AKT2: variants seen among roughly 807,000 people sequenced by gnomAD.
AKT2 encodes AKT serine/threonine kinase 2.
AKT2 carries 16 observed loss-of-function variants against 58.6 expected under a neutral mutation model. The ratio of observed to expected loss-of-function variants is 0.27; its 90% CI spans 0.18 to 0.41. AKT2 has a LOEUF of 0.41. Ranked by LOEUF, AKT2 falls within the 10% of genes least tolerant of loss-of-function variation. The pLI, the probability that AKT2 is intolerant of heterozygous loss-of-function variation, is 1.00. For synonymous variants in AKT2, 253 were observed against 254.0 expected (o/e 1.00, Z 0.04); for missense variants, 438 against 661.0 (o/e 0.66, Z 3.70).
intron 2 of AKT2, among the ~76,000 whole-genome samples, chr19:40,264,411 G>A (rs755512171): frequency 2.0e-4 from 31 of 152,122 alleles, no homozygotes; most frequent in Non-Finnish European, 4.3e-4. Flanking sequence ...ATCAGGCCAC[G>A]CATCGGCTCA....
intron 4 of AKT2, among the ~76,000 whole-genome samples, chr19:40,253,332 A>G (rs975762971): frequency 6.6e-6 from 1 of 152,208 alleles, no homozygotes; most frequent in Non-Finnish European, 1.5e-5. Flanking sequence ...ACTGTTTCTC[A>G]AAGTGAGGCC....
chr19:40,274,655 G>A (rs1400700234), intron 1 of AKT2: 9 of 242,526 alleles, frequency 3.7e-5, no homozygotes, highest in African/African-American at 6.6e-5. Flanking sequence ...AGGCAGCGCA[G>A]TCTGAGCAAA....
chr19:40,266,799 A>C (rs1404340528), intron 1 of AKT2, among the ~76,000 whole-genome samples: 1 of 152,086 alleles, frequency 6.6e-6, no homozygotes, highest in Non-Finnish European at 1.5e-5. Context: ...TTTTTTCTAC[A>C]AAAAAATTAA....
chr19:40,234,029 G>A lies in AKT2; in HGVS notation c.1367-78C>T, dbSNP rs953849520. 28 of 1,450,166 alleles carry A rather than the reference G, an allele frequency of 1.9e-5. No individual in the cohort carries two copies. Among genetic ancestry groups the A allele is most frequent in the Middle Eastern group, 2.3e-4 (1 of 4,272 alleles). 89.8% of individuals were successfully genotyped at this position (1,450,166 alleles called of 1,614,324 possible). ...ACCTGCCCAGACTCCCTGGGGAAACGGCCCCAGCTGGCGGGGGCTGCCCAC... is the reference window on the plus strand; with the variant it reads ...ACCTGCCCAGACTCCCTGGGGAAACAGCCCCAGCTGGCGGGGGCTGCCCAC... On this transcript the variant is annotated intron_variant, in intron 13 of 13. Transcript: ENST00000392038. This position sits in a 1 kb window ranked among gnomAD's most constrained non-coding sequence, Gnocchi z 4.7.
Position 40,238,769 on chromosome 19 carries a change from T to C in AKT2, c.708+136A>G, listed in dbSNP as rs1974189749. On this transcript the variant is annotated intron_variant, in intron 8 of 13. Coordinates refer to ENST00000392038, the MANE Select transcript of AKT2 (RefSeq NM_001626.6). This position sits in a 1 kb window ranked among gnomAD's most constrained non-coding sequence, Gnocchi z 5.1. ...CCCCCAAAATGGAGACGAAGCCGCC[T>C]GCCTCAAGGGAGAGGGGCACTAGAT... The C allele has an allele frequency of 2.6e-5, 24 of 939,248 alleles. No individual in the cohort carries two copies. The highest frequency in any genetic ancestry group is 4.1e-5 in the Non-Finnish European group (24 of 586,226). 58.2% of individuals were successfully genotyped at this position (939,248 alleles called of 1,614,324 possible).
intron 2 of AKT2, among the ~76,000 whole-genome samples, chr19:40,262,674 C>T (rs183244885): frequency 6.6e-6 from 1 of 152,250 alleles, no homozygotes; most frequent in Non-Finnish European, 1.5e-5. Context: ...GCTCTACCCA[C>T]TCCTTGCTGA....
intron 2 of AKT2, among the ~76,000 whole-genome samples, chr19:40,258,643 A>G (rs1232504095): frequency 6.6e-6 from 1 of 151,732 alleles, no homozygotes; most frequent in African/African-American, 2.4e-5. Context: ...TGACAGAGCA[A>G]GACCCTAGCT....
intron 6 of AKT2, chr19:40,240,897 C>T (rs1974364879): frequency 6.5e-6 from 1 of 154,832 alleles, no homozygotes; most frequent in Non-Finnish European, 1.4e-5. Flanking sequence ...ACTGATCCTC[C>T]CACTTCAGCC....
intron 2 of AKT2, 73 bp downstream of exon 2, chr19:40,265,149 C>A: frequency 2.5e-6 from 4 of 1,572,990 alleles, no homozygotes; most frequent in Non-Finnish European, 3.5e-6. Context: ...TCCGCCTCTG[C>A]CTCTCAGGGC....
chr19:40,257,461 A>G (rs1975618120), intron 2 of AKT2, among the ~76,000 whole-genome samples: 1 of 152,220 alleles, frequency 6.6e-6, no homozygotes, highest in African/African-American at 2.4e-5. Flanking sequence ...ACAGCTGTGC[A>G]GGTAGCTCCA....
chr19:40,284,291 C>A (rs1172858825), intron 1 of AKT2, among the ~76,000 whole-genome samples: 1 of 152,156 alleles, frequency 6.6e-6, no homozygotes, highest in Non-Finnish European at 1.5e-5. Context: ...AAATCCAAGC[C>A]CAATCCCTCT....
In AKT2 at chr19:40,235,522, G is replaced by C. The variant is rs774975080; in HGVS notation, c.1176-172C>G. The stretch of plus-strand genomic sequence containing the variant: ...GAGGGAGCTCACGTGCCCAGGGTCA[G>C]AGCCAGGGAGTCAGCAACCCGGACC... On this transcript the variant is annotated intron_variant, in intron 11 of 13. Coordinates refer to ENST00000392038, the MANE Select transcript of AKT2 (RefSeq NM_001626.6). This position sits in a 1 kb window ranked among gnomAD's most constrained non-coding sequence, Gnocchi z 6.3. 2.8e-6 allele frequency: 2 copies of C among 708,076 alleles called. No individual in the cohort carries two copies. The highest frequency in any genetic ancestry group is 2.7e-5 in the East Asian group (1 of 37,040). The allele number at this position is 708,076 out of a possible 1,614,324, so 43.9% of individuals were successfully genotyped here.
intron 1 of AKT2, among the ~76,000 whole-genome samples, chr19:40,283,963 A>T (rs1309657387): frequency 6.6e-6 from 1 of 152,198 alleles, no homozygotes; most frequent in African/African-American, 2.4e-5. Context: ...GGCCAGCGAC[A>T]GAGGAGCATG....
chr19:40,256,289 G>T (rs1975538782), intron 3 of AKT2, among the ~76,000 whole-genome samples: 1 of 152,198 alleles, frequency 6.6e-6, no homozygotes, highest in African/African-American at 2.4e-5. Flanking sequence ...AGTGGTCTGA[G>T]CTAAGGCACT....
rs2145130386 is a variant in AKT2 at position 40,230,459 on chromosome 19, C to T, written c.*3413G>A. 1 of 227,070 alleles carries T rather than the reference C, an allele frequency of 4.4e-6. No individual in the cohort carries two copies. Among genetic ancestry groups the T allele is most frequent in the South Asian group, 1.8e-4 (1 of 5,476 alleles). 14.1% of individuals were successfully genotyped at this position (227,070 alleles called of 1,614,324 possible). A position where few individuals can be genotyped will look rare whatever the true frequency, so the allele number is the denominator to read the frequency against. ...AGCAGCTGGAAAGCCTGAGTTCCCC[C>T]CATGCAGCAGCTAAAAGGGAATCGC... is the stretch of plus-strand genomic sequence containing the variant. On this transcript the variant is annotated 3_prime_UTR_variant, in exon 14 of 14. Coordinates refer to ENST00000392038, the MANE Select transcript of AKT2 (RefSeq NM_001626.6).
At position 40,231,984 on chromosome 19, in the gene AKT2, T is replaced by TGACAGCA. The variant is rs1973725968; in HGVS notation, c.*1881_*1887dup. The TGACAGCA allele has an allele frequency of 4.3e-6, 1 of 233,356 alleles. No individual in the cohort carries two copies. Among genetic ancestry groups the TGACAGCA allele is most frequent in the Non-Finnish European group, 8.5e-6 (1 of 118,234 alleles). The allele number at this position is 233,356 out of a possible 1,614,324, so 14.5% of individuals were successfully genotyped here. On this transcript the variant is annotated 3_prime_UTR_variant, in exon 14 of 14. Transcript: ENST00000392038. ...GAATGAACCACTCCCTCTCATTCAG[T>TGACAGCA]GACAGCACAGGCACCCTCCTCATTC...
chr19:40,267,271 G>A (rs1456589364), intron 1 of AKT2, among the ~76,000 whole-genome samples: 1 of 152,132 alleles, frequency 6.6e-6, no homozygotes, highest in Non-Finnish European at 1.5e-5. Flanking sequence ...TCAGGACCTC[G>A]CCTCTGCTGC....
chr19:40,282,609 A>T (rs1319355729), intron 1 of AKT2: 2 of 501,458 alleles, frequency 4.0e-6, no homozygotes, highest in Admixed American at 4.4e-5. Context: ...GACAGAGGTG[A>T]CTCTATCCTA....
intron 2 of AKT2, among the ~76,000 whole-genome samples, chr19:40,257,739 G>A (rs1219105527): frequency 6.6e-6 from 1 of 152,054 alleles, no homozygotes; most frequent in African/African-American, 2.4e-5. Flanking sequence ...GAGTGGAAAC[G>A]ACCCTAATGT....
Sources: allele counts gnomAD v4.1 joint callset (sites outside exome capture counted in the v4.1 genomes callset), GRCh38; gene constraint gnomAD v4.1.1; non-coding constraint Gnocchi (gnomAD v3.1); transcripts MANE v1.5; gene names NCBI Gene and HGNC (gene_info 2026-07-23, HGNC 2026-07-21).